The following PROM1 variants were observed in gnomAD, a reference collection of about 807,000 sequenced individuals.
PROM1 encodes the protein prominin-1.
PROM1 carries 105 observed loss-of-function variants against 116.9 expected under a neutral mutation model. That is an observed-to-expected ratio of 0.90 (90% CI 0.77 to 1.06). PROM1 has a LOEUF of 1.06. PROM1 is among the 50% of genes least tolerant of loss of function. The pLI, the probability that PROM1 is intolerant of heterozygous loss-of-function variation, is 0.00. For missense variants in PROM1, 1,122 were observed against 1,045.2 expected, an observed-to-expected ratio of 1.07 and a Z score of -1.01; for synonymous variants, 393 against 387.0, an observed-to-expected ratio of 1.02 and a Z score of -0.18.
intron 13 of PROM1, among the ~76,000 whole-genome samples, chr4:16,002,033 G>T (rs1350436451): frequency 6.6e-6 from 1 of 152,152 alleles, no homozygotes; most frequent in African/African-American, 2.4e-5. Flanking sequence ...GCAGAGAAGG[G>T]ATGGATGTGT....
chr4:16,034,338 G>A (rs907023436), intron 4 of PROM1, among the ~76,000 whole-genome samples: 2 of 152,126 alleles, frequency 1.3e-5, no homozygotes, highest in Admixed American at 6.6e-5. Flanking sequence ...ATAATAATAC[G>A]TACCTTGTCA....
intron 2 of PROM1, among the ~76,000 whole-genome samples, chr4:16,041,397 T>C (rs1475479820): frequency 6.6e-6 from 1 of 152,114 alleles, no homozygotes; most frequent in African/African-American, 2.4e-5. Context: ...TACATCAAAG[T>C]ATAATGTGCA....
chr4:16,006,652 A>G lies in PROM1; in HGVS notation c.1340T>C (p.Leu447Pro). Reference sequence around the variant, plus strand: ...GCCCAGGTAGTAAAAAATCACGATGAGGGTCAGCAGAGAGCAGATGACCAG... The same window carrying G: ...GCCCAGGTAGTAAAAAATCACGATGGGGGTCAGCAGAGAGCAGATGACCAG... ...GGLVICSLLT[L>P]IVIFYYLGLL... Residue 447 changes from leucine (L) to proline (P), a missense_variant, in exon 13 of 28, where the codon CTC (leucine) becomes CCC (proline). By Grantham distance (98) the Leu-to-Pro change is moderately conservative. Transcript: ENST00000447510. The G allele has an allele frequency of 1.2e-6, 2 of 1,613,034 alleles. No homozygotes were observed. Among genetic ancestry groups the G allele is most frequent in the Middle Eastern group, 1.7e-4 (1 of 6,048 alleles).
At position 15,986,142 on chromosome 4, in the gene PROM1, G is replaced by C. The variant is rs944326402; in HGVS notation, c.2131-105C>G. 6 of 746,606 alleles carry C rather than the reference G, an allele frequency of 8.0e-6. No individual in the cohort carries two copies. The East Asian group carries it at 1.7e-4, about 21-fold the overall frequency. 46.2% of individuals were successfully genotyped at this position (746,606 alleles called of 1,614,324 possible). ...CTGTAACTCAGCTCTGCAACACCAC[G>C]ACCTGGACCTGCTAGTTAAGAGGAA... On this transcript the variant is annotated intron_variant, in intron 20 of 27. Transcript: ENST00000447510.
intron 10 of PROM1, among the ~76,000 whole-genome samples, chr4:16,015,072 G>A (rs1033342307): frequency 2.8e-4 from 42 of 152,198 alleles, no homozygotes; most frequent in Non-Finnish European, 5.7e-4. Context: ...TGGACCGGGC[G>A]TGACGGCTCA....
At chr4:15,969,644 T>C (rs530809830) in intron 27 of PROM1, among the ~76,000 whole-genome samples, 1 of 152,206 alleles carries the variant, frequency 6.6e-6, no homozygotes, top group African/African-American at 2.4e-5. Context: ...TGGAGTGCAA[T>C]GGCGCGATCT....
At chr4:16,049,898 G>A (rs1332175144) in intron 2 of PROM1, among the ~76,000 whole-genome samples, 1 of 151,930 alleles carries the variant, frequency 6.6e-6, no homozygotes. Context: ...ATTTCTTTGA[G>A]GCATTGTCCC....
At chr4:15,987,355 G>A (rs1383037718) in intron 20 of PROM1, among the ~76,000 whole-genome samples, 2 of 152,206 alleles carry the variant, frequency 1.3e-5, no homozygotes, top group Admixed American at 1.3e-4. Context: ...AGGCACTGAG[G>A]TTTGGGATTG....
intron 8 of PROM1, among the ~76,000 whole-genome samples, chr4:16,022,338 AGAG>A (rs1730115066): frequency 6.6e-6 from 1 of 152,204 alleles, no homozygotes; most frequent in Admixed American, 6.5e-5. Flanking sequence ...CATCAACAAC[AGAG>A]GATGTTGTTC....
intron 23 of PROM1, among the ~76,000 whole-genome samples, chr4:15,982,100 C>T (rs1239631540): frequency 6.6e-6 from 1 of 152,254 alleles, no homozygotes; most frequent in Non-Finnish European, 1.5e-5. Flanking sequence ...CAGCATCCTA[C>T]ACTTGGCCTG....
At position 16,009,113 on chromosome 4, in the gene PROM1, A is replaced by G. The variant is rs1306255740; in HGVS notation, c.1142-5T>C. 1 of 1,611,166 alleles carries G rather than the reference A, an allele frequency of 6.2e-7. No homozygotes were observed. The highest frequency in any genetic ancestry group is 1.3e-5 in the African/African-American group (1 of 74,994). On this transcript the variant is annotated splice_polypyrimidine_tract_variant and splice_region_variant and intron_variant, in intron 11 of 27. Coordinates refer to ENST00000447510, the MANE Select transcript of PROM1 (RefSeq NM_006017.3). ...AATTCAAGACCCTTTTGATACCTGA[A>G]AACAAAGATACCTTTGTTATGCATT...
chr4:16,023,667 C>A (rs1356181764), intron 7 of PROM1, among the ~76,000 whole-genome samples: 1 of 152,196 alleles, frequency 6.6e-6, no homozygotes, highest in Non-Finnish European at 1.5e-5. Context: ...GTGTGTAACT[C>A]TCTGTGTATC....
intron 11 of PROM1, among the ~76,000 whole-genome samples, 168 bp downstream of exon 11, chr4:16,013,107 T>C (rs1477093151): frequency 6.6e-6 from 1 of 152,142 alleles, no homozygotes; most frequent in Non-Finnish European, 1.5e-5. Flanking sequence ...TTGTTCTTGT[T>C]TTTAACTGTC....
intron 5 of PROM1, among the ~76,000 whole-genome samples, chr4:16,025,738 CA>C (rs1731107874): frequency 2.7e-5 from 4 of 149,296 alleles, no homozygotes; most frequent in Non-Finnish European, 4.4e-5. Context: ...CACACACACA[CA>C]CTTCTGCTCC....
intron 2 of PROM1, among the ~76,000 whole-genome samples, chr4:16,044,476 C>A: frequency 6.6e-6 from 1 of 152,152 alleles, no homozygotes; most frequent in Non-Finnish European, 1.5e-5. Flanking sequence ...TGTTAAGTGC[C>A]TCTCTGCGGA....
intron 2 of PROM1, among the ~76,000 whole-genome samples, chr4:16,064,567 G>A (rs1234923449): frequency 6.6e-6 from 1 of 152,094 alleles, no homozygotes; most frequent in Non-Finnish European, 1.5e-5. Context: ...AAGCTTACAC[G>A]TAATTTTTCT....
chr4:15,998,843 GT>G (rs1722968844), intron 14 of PROM1, among the ~76,000 whole-genome samples: 1 of 152,032 alleles, frequency 6.6e-6, no homozygotes, highest in African/African-American at 2.4e-5. Flanking sequence ...AGCCTCCCGA[GT>G]AGTTAGGACT....
chr4:16,010,458 GA>G (rs760340487), intron 11 of PROM1, among the ~76,000 whole-genome samples: 14 of 152,204 alleles, frequency 9.2e-5, no homozygotes, highest in Non-Finnish European at 2.1e-4. Context: ...GTAGAGAACA[GA>G]ATGGTAGCTT....
chr4:16,069,694 T>C (rs922744350), intron 2 of PROM1, among the ~76,000 whole-genome samples: 3 of 152,178 alleles, frequency 2.0e-5, no homozygotes, highest in African/African-American at 7.2e-5. Context: ...CTTACCACCA[T>C]CATCTACCTT....
Sources: allele counts gnomAD v4.1 joint callset (sites outside exome capture counted in the v4.1 genomes callset), GRCh38; gene constraint gnomAD v4.1.1; transcripts MANE v1.5; gene names NCBI Gene and HGNC (gene_info 2026-07-23, HGNC 2026-07-21).